The following EPHA6 variants were observed in gnomAD, a reference collection of about 807,000 sequenced individuals.
EPHA6 encodes ephrin type-A receptor 6.
A neutral mutation model predicts 112.0 loss-of-function variants in EPHA6; 50 were observed. The ratio of observed to expected loss-of-function variants is 0.45; its 90% CI spans 0.36 to 0.56. The LOEUF is 0.56. Ranked by LOEUF, EPHA6 falls within the 20% of genes least tolerant of loss-of-function variation. EPHA6 has a pLI of 0.00. For missense variants in EPHA6, 1,280 were observed against 1,417.4 expected, an observed-to-expected ratio of 0.90 and a Z score of 1.56; for synonymous variants, 529 against 490.7, an observed-to-expected ratio of 1.08 and a Z score of -1.03.
At chr3:97,592,197 A>G (rs1371060872) in intron 11 of EPHA6, among the ~76,000 whole-genome samples, 5 of 152,254 alleles carry the variant, frequency 3.3e-5, no homozygotes, top group Admixed American at 6.5e-5. Flanking sequence ...GACCTAAAGT[A>G]AAGTACTGCT....
intron 3 of EPHA6, among the ~76,000 whole-genome samples, chr3:97,009,184 C>G (rs2043991318): frequency 6.6e-6 from 1 of 152,058 alleles, no homozygotes; most frequent in South Asian, 2.1e-4. Context: ...TCTGGGCTGC[C>G]TGGATTCCTC....
chr3:97,413,124 T>G (rs541134161), intron 6 of EPHA6, among the ~76,000 whole-genome samples: 1 of 152,002 alleles, frequency 6.6e-6, no homozygotes, highest in African/African-American at 2.4e-5. Flanking sequence ...AGACACCACT[T>G]TTAAAAAATG....
chr3:97,171,090 T>C (rs1056858600), intron 3 of EPHA6, among the ~76,000 whole-genome samples: 6 of 152,150 alleles, frequency 3.9e-5, no homozygotes, highest in Admixed American at 3.3e-4. Flanking sequence ...GAAAAAATTG[T>C]CTTAGAGAAA....
intron 3 of EPHA6, among the ~76,000 whole-genome samples, chr3:97,153,278 G>A (rs986229011): frequency 2.0e-5 from 3 of 151,842 alleles, no homozygotes; most frequent in African/African-American, 4.8e-5. Flanking sequence ...TGCTTGAGAA[G>A]CATTAAATAA....
intron 4 of EPHA6, among the ~76,000 whole-genome samples, chr3:97,240,476 T>G (rs910847906): frequency 8.6e-5 from 13 of 152,004 alleles, no homozygotes; most frequent in African/African-American, 3.1e-4. Context: ...GATATTTCGG[T>G]GAAATTTTTA....
intron 4 of EPHA6, among the ~76,000 whole-genome samples, chr3:97,238,505 T>A (rs2078745815): frequency 6.6e-6 from 1 of 151,962 alleles, no homozygotes; most frequent in African/African-American, 2.4e-5. Context: ...ATGAAAAAAA[T>A]TACTTCAGTG....
intron 5 of EPHA6, among the ~76,000 whole-genome samples, chr3:97,262,969 C>T (rs915643918): frequency 1.3e-5 from 2 of 152,104 alleles, no homozygotes; most frequent in African/African-American, 4.8e-5. Flanking sequence ...AATTTATTAG[C>T]CACTTGCTAA....
At chr3:97,180,334 G>C (rs951859655) in intron 3 of EPHA6, among the ~76,000 whole-genome samples, 2 of 152,036 alleles carry the variant, frequency 1.3e-5, no homozygotes, top group Admixed American at 1.3e-4. Flanking sequence ...CAATTATCAA[G>C]TCCTGGAATA....
intron 5 of EPHA6, 126 bp from the exon 6 acceptor site, chr3:97,405,024 C>A: frequency 1.0e-6 from 1 of 985,884 alleles, no homozygotes; most frequent in Non-Finnish European, 1.5e-6. Flanking sequence ...TCTTATTAAT[C>A]TGCCTTCAAT....
chr3:97,513,027 C>T (rs1434542600), intron 10 of EPHA6, among the ~76,000 whole-genome samples: 5 of 151,970 alleles, frequency 3.3e-5, no homozygotes, highest in Non-Finnish European at 4.4e-5. Context: ...AGTTAAATAC[C>T]GATGCAGGTG....
chr3:97,111,518 T>G (rs2047723455), intron 3 of EPHA6, among the ~76,000 whole-genome samples: 1 of 152,136 alleles, frequency 6.6e-6, no homozygotes, highest in Non-Finnish European at 1.5e-5. Flanking sequence ...AAAAACAGCT[T>G]CTGGGTGGGC....
Position 97,379,651 on chromosome 3 carries a change from A to G in EPHA6, c.1607-25499A>G, listed in dbSNP as rs2085595197. On this transcript the variant is annotated intron_variant, in intron 5 of 17. Transcript: ENST00000389672. Reference sequence around the variant, plus strand: ...GTAATCCCAGCTACTTGAGAGGCTGAGACAGGAGAATTGTTTGAACCTGGG... The same window carrying G: ...GTAATCCCAGCTACTTGAGAGGCTGGGACAGGAGAATTGTTTGAACCTGGG... Among the ~76,000 whole-genome samples the G allele has an allele frequency of 4.7e-5, 7 of 149,118 alleles. No homozygotes were observed. The South Asian group carries it at 1.3e-3, about 27-fold the overall frequency.
At chr3:96,823,308 C>T (rs964180263) in intron 1 of EPHA6, among the ~76,000 whole-genome samples, 69 of 151,446 alleles carry the variant, frequency 4.6e-4, no homozygotes, top group Non-Finnish European at 5.9e-5. Context: ...ATAAACATAC[C>T]AATGATTAAA....
At chr3:97,015,969 G>A (rs981888070) in intron 3 of EPHA6, among the ~76,000 whole-genome samples, 1 of 149,726 alleles carries the variant, frequency 6.7e-6, no homozygotes, top group Non-Finnish European at 1.5e-5. Flanking sequence ...TTTGTTTATT[G>A]TCTTTCCTTG....
At chr3:97,211,119 A>T (rs1231093338) in intron 3 of EPHA6, among the ~76,000 whole-genome samples, 1 of 152,220 alleles carries the variant, frequency 6.6e-6, no homozygotes, top group East Asian at 1.9e-4. Flanking sequence ...TCACAAGCAC[A>T]CTGATTTCAA....
At chr3:97,438,941 C>G (rs2089993562) in intron 6 of EPHA6, among the ~76,000 whole-genome samples, 1 of 152,114 alleles carries the variant, frequency 6.6e-6, no homozygotes, top group Non-Finnish European at 1.5e-5. Flanking sequence ...TTCAAAAGAT[C>G]ACACTTTAAT....
At chr3:96,900,890 T>C (rs189236321) in intron 2 of EPHA6, among the ~76,000 whole-genome samples, 33 of 152,356 alleles carry the variant, frequency 2.2e-4, no homozygotes, top group African/African-American at 7.9e-4. Flanking sequence ...AAACCTACAG[T>C]GTTTGTATGA....
chr3:97,532,546 A>G lies in EPHA6; in HGVS notation c.2386+3A>G. 1 of 1,591,470 alleles carries G rather than the reference A, an allele frequency of 6.3e-7. No individual in the cohort carries two copies. ...CCTAGAAGGGGTTGTCACCAAAAGT[A>G]AGTTACTGAGTTTCTTCATTACTTC... On this transcript the variant is annotated splice_donor_region_variant and intron_variant, in intron 11 of 17. Transcript: ENST00000389672.
chr3:97,584,666 A>G (rs1007386406), intron 11 of EPHA6, among the ~76,000 whole-genome samples: 3 of 152,206 alleles, frequency 2.0e-5, no homozygotes, highest in African/African-American at 7.2e-5. Context: ...AGCTATGTCA[A>G]GCACGTTTTG....
Sources: allele counts gnomAD v4.1 joint callset (sites outside exome capture counted in the v4.1 genomes callset), GRCh38; gene constraint gnomAD v4.1.1; transcripts MANE v1.5; gene names NCBI Gene and HGNC (gene_info 2026-07-23, HGNC 2026-07-21).